PDLIM7: variants seen among roughly 807,000 people sequenced by gnomAD.
PDLIM7 encodes PDZ and LIM domain protein 7.
PDLIM7 carries 37 observed loss-of-function variants against 53.9 expected under a neutral mutation model. That is an observed-to-expected ratio of 0.69 (90% confidence interval 0.53 to 0.90). The LOEUF is 0.90. PDLIM7 is among the 40% of genes least tolerant of loss of function. The pLI, the probability that PDLIM7 is intolerant of heterozygous loss-of-function variation, is 0.00. For missense variants in PDLIM7, 617 were observed against 638.5 expected (o/e 0.97, Z 0.36); for synonymous variants, 300 against 261.3 (o/e 1.15, Z -1.43).
intron 1 of PDLIM7, 108 bp from the exon 2 acceptor site, chr5:177,496,631 C>A: frequency 1.5e-6 from 1 of 676,266 alleles, no homozygotes; most frequent in Non-Finnish European, 2.3e-6. Context: ...CAGGCACGGG[C>A]AGCCCCTGAG....
intron 10 of PDLIM7, among the ~76,000 whole-genome samples, chr5:177,485,558 C>T (rs1218600021): frequency 6.6e-6 from 1 of 152,238 alleles, no homozygotes; most frequent in African/African-American, 2.4e-5. Context: ...AGTTTAAATC[C>T]AGGGATCCCA....
At chr5:177,486,597 G>A (rs542787551) in intron 10 of PDLIM7, among the ~76,000 whole-genome samples, 1 of 151,374 alleles carries the variant, frequency 6.6e-6, no homozygotes, top group East Asian at 1.9e-4. Flanking sequence ...CAGGGGTGTG[G>A]GCTGGTAGGG....
chr5:177,491,073 G>A lies in PDLIM7; in HGVS notation c.472C>T (p.Arg158Trp), dbSNP rs1275664649. 3 of 1,610,828 alleles carry A rather than the reference G, an allele frequency of 1.9e-6. No homozygotes were observed. The highest frequency in any genetic ancestry group is 1.3e-5 in the African/African-American group (1 of 74,876). The stretch of plus-strand genomic sequence containing the variant: ...GAACGCGACTGGCCTGTCCCCGGCC[G>A]CGGCCGCCAGTCCTCTGTGTTCTCC... ...LMENTEDWRP[R>W]PGTGQSRSFR... The change falls in exon 6 of 13, where the codon CGG becomes TGG. Residue 158 changes from arginine (R) to tryptophan (W), a missense_variant. Physicochemically the swap from Arg to Trp is moderately radical, Grantham distance 101. Transcript: ENST00000355841.
At position 177,490,868 on chromosome 5, in the gene PDLIM7, A is replaced by G; in HGVS notation, c.572+2T>C. The G allele has an allele frequency of 6.2e-7, 1 of 1,614,000 alleles. No homozygotes were observed. The highest frequency in any genetic ancestry group is 8.5e-7 in the Non-Finnish European group (1 of 1,179,966). ...GAGAGGGGCTGGTGCCCGTCCCTGT[A>G]CCTTGATTTCTTCAGGTGCTCCTCA... On this transcript the variant is annotated splice_donor_variant, in intron 7 of 12. Coordinates refer to ENST00000355841, the MANE Select transcript of PDLIM7 (RefSeq NM_005451.5). LOFTEE classifies it high-confidence loss of function.
Position 177,489,552 on chromosome 5 carries a change from T to C in PDLIM7, c.710A>G (p.Asp237Gly). Residue 237 changes from aspartate (D) to glycine (G), a missense_variant, in exon 9 of 13, where the codon GAC becomes GGC. By Grantham distance (94) the Asp-to-Gly change is moderately conservative. Transcript: ENST00000355841. ...DPAFAERYAP[D>G]KTSTVLTRHS... ...CCGGGTCAGCACTGTGCTCGTTTTGTCCGGGGCATAGCGCTCGGCAAACGC... is the reference window on the plus strand; with the variant it reads ...CCGGGTCAGCACTGTGCTCGTTTTGCCCGGGGCATAGCGCTCGGCAAACGC... The C allele has an allele frequency of 6.2e-7, 1 of 1,610,846 alleles. No homozygotes were observed. The highest frequency in any genetic ancestry group is 8.5e-7 in the Non-Finnish European group (1 of 1,179,244).
At chr5:177,490,717 GGAAGGAA>G (rs1254210097) in intron 7 of PDLIM7, 146 bp downstream of exon 7, 15 of 131,592 alleles carry the variant, frequency 1.1e-4, no homozygotes, top group South Asian at 3.9e-4. Flanking sequence ...AGGAAGGGAA[GGAAGGAA>G]GGAAGGAAGG....
At position 177,496,091 on chromosome 5, in the gene PDLIM7, T is replaced by C. The variant is rs567900322; in HGVS notation, c.96+326A>G. On this transcript the variant is annotated intron_variant, in intron 2 of 12. Coordinates refer to ENST00000355841, the MANE Select transcript of PDLIM7 (RefSeq NM_005451.5). ...CCTGCCTGGGGCCTGGCTCCAAGCA[T>C]TGCCACCTCAAGTTTAGATACCTCC... Among the ~76,000 whole-genome samples, 5 of 152,216 alleles carry C rather than the reference T, an allele frequency of 3.3e-5. No homozygotes were observed. The South Asian group carries it at 1.0e-3, about 32-fold the overall frequency.
rs550416079 is a variant in PDLIM7, at chr5:177,492,658, G to A, written c.116C>T (p.Ala39Val). ...ACCCACGGCCACTCCGGCCTGCGCC[G>A]CTTTGCCCCCAGGAGTGAGCTGTGG... ...SISRLTPGGK[A>V]AQAGVAVGDW... Residue 39 changes from alanine (A) to valine (V), a missense_variant, in exon 3 of 13, where the codon GCG becomes GTG. By Grantham distance (64) the Ala-to-Val change is moderately conservative. Transcript: ENST00000355841. 1.4e-5 allele frequency: 23 copies of A among 1,606,164 alleles called. No homozygotes were observed. The highest frequency in any genetic ancestry group is 1.8e-5 in the Non-Finnish European group (21 of 1,179,902).
chr5:177,490,791 G>A (rs1581759189), intron 7 of PDLIM7, 79 bp downstream of exon 7: 3 of 1,489,506 alleles, frequency 2.0e-6, no homozygotes, highest in Middle Eastern at 2.0e-4. Flanking sequence ...CCAGCTGGGA[G>A]CCTCAGGAGT....
chr5:177,488,272 G>C (rs374208373), intron 9 of PDLIM7, 24 bp from the exon 10 acceptor site: 245 of 1,571,998 alleles, frequency 1.6e-4, no homozygotes, highest in Non-Finnish European at 2.0e-4. Context: ...AGAGCGGTCA[G>C]AGGGAGCACA....
intron 7 of PDLIM7, chr5:177,490,473 G>T: frequency 6.5e-7 from 1 of 1,545,714 alleles, no homozygotes; most frequent in South Asian, 1.2e-5. Flanking sequence ...AGGCAGAGAG[G>T]GCAGCCGGCT....
At chr5:177,493,274 C>G (rs1758898831) in intron 2 of PDLIM7, among the ~76,000 whole-genome samples, 1 of 152,234 alleles carries the variant, frequency 6.6e-6, no homozygotes, top group South Asian at 2.1e-4. Context: ...CCTGTGAACA[C>G]TGCCTGAATG....
chr5:177,489,929 G>A (rs1159384713), intron 7 of PDLIM7, 97 bp from the exon 8 acceptor site: 3 of 1,538,818 alleles, frequency 1.9e-6, no homozygotes, highest in Admixed American at 2.0e-5. Context: ...GAGATGACTG[G>A]GGGCGTGGAA....
chr5:177,484,362 C>T lies in PDLIM7; in HGVS notation c.1051-172G>A, dbSNP rs541228883. ...TCCAACTCCAAGGTCTCTGAGTGGA[C>T]GACCACTGCGCCTTCAGACTTGCCA... On this transcript the variant is annotated intron_variant, in intron 10 of 12. Coordinates refer to ENST00000355841, the MANE Select transcript of PDLIM7 (RefSeq NM_005451.5). 1,057 of 713,624 alleles carry T rather than the reference C, an allele frequency of 1.5e-3. 3 individuals carry two copies. The highest frequency in any genetic ancestry group is 1.7e-3 in the Non-Finnish European group (762 of 439,070). 44.2% of individuals were successfully genotyped at this position (713,624 alleles called of 1,614,324 possible). A position where few individuals can be genotyped will look rare whatever the true frequency, so the allele number is the denominator to read the frequency against.
In PDLIM7 at chr5:177,489,522, C is replaced by G; in HGVS notation, c.740G>C (p.Ser247Thr). ...DKTSTVLTRH[S>T]QPATPTPLQS... is the part of the protein sequence containing the mutation. ...CAGCGGCGTGGGCGTGGCCGGCTGG[C>G]TGTGCCGGGTCAGCACTGTGCTCGT... The change falls in exon 9 of 13, where the codon AGC becomes ACC. Residue 247 changes from serine (S) to threonine (T), a missense_variant. By Grantham distance (58) the Ser-to-Thr change is moderately conservative. Coordinates refer to ENST00000355841, the MANE Select transcript of PDLIM7 (RefSeq NM_005451.5). 1 of 1,609,296 alleles carries G rather than the reference C, an allele frequency of 6.2e-7. No individual in the cohort carries two copies.
chr5:177,492,032 C>G, intron 4 of PDLIM7, 107 bp from the exon 5 acceptor site: 1 of 449,106 alleles, frequency 2.2e-6, no homozygotes, highest in Middle Eastern at 5.8e-4. Context: ...AGCCCCCCAC[C>G]CCCACCCCAC....
chr5:177,495,483 A>G (rs1311252520), intron 2 of PDLIM7, among the ~76,000 whole-genome samples: 1 of 152,210 alleles, frequency 6.6e-6, no homozygotes, highest in Non-Finnish European at 1.5e-5. Context: ...CAGGCCAGTC[A>G]GAGATGCCAG....
chr5:177,492,713 AC>A (rs985208080), intron 2 of PDLIM7, 36 bp from the exon 3 acceptor site: 2 of 1,583,604 alleles, frequency 1.3e-6, no homozygotes, highest in African/African-American at 2.7e-5. Flanking sequence ...GAGGCCCTGG[AC>A]CCTGCAGACC....
Position 177,483,905 on chromosome 5 carries a change from G to C in PDLIM7, c.1249C>G (p.Leu417Val). The C allele has an allele frequency of 1.2e-6, 2 of 1,613,836 alleles. No homozygotes were observed. The highest frequency in any genetic ancestry group is 1.7e-6 in the Non-Finnish European group (2 of 1,179,968). ...IDAGDRFLEA[L>V]GFSWHDTCFV... is the part of the protein sequence containing the mutation. ...CAGGTGTCATGCCAGCTGAAGCCCA[G>C]GGCCTCCAGGAAGCGGTCCCCAGCG... is the stretch of plus-strand genomic sequence containing the variant. Residue 417 changes from leucine (L) to valine (V), a missense_variant, in exon 12 of 13, where the codon CTG becomes GTG. Transcript: ENST00000355841.
Sources: allele counts gnomAD v4.1 joint callset (sites outside exome capture counted in the v4.1 genomes callset), GRCh38; gene constraint gnomAD v4.1.1; transcripts MANE v1.5; gene names NCBI Gene and HGNC (gene_info 2026-07-23, HGNC 2026-07-21).